CNTLN: variants seen among roughly 807,000 people sequenced by gnomAD.
The protein encoded by CNTLN is centlein, centrosomal protein.
CNTLN carries 212 observed loss-of-function variants against 180.0 expected under a neutral mutation model. The observed-to-expected ratio is 1.18, with a 90% CI of 1.05 to 1.32. The LOEUF is 1.32. CNTLN is among the 40% of genes most tolerant of loss of function. The pLI is 0.00. For synonymous variants in CNTLN, 722 were observed against 563.1 expected (o/e 1.28, Z -3.99); for missense variants, 2,095 against 1,610.9 (o/e 1.30, Z -5.14).
At chr9:17,225,699 A>G (rs1461048318) in intron 2 of CNTLN, among the ~76,000 whole-genome samples, 1 of 151,958 alleles carries the variant, frequency 6.6e-6, no homozygotes, top group Admixed American at 6.6e-5. Context: ...CCAGAGAACT[A>G]TGCTTTGATT....
At chr9:17,193,328 G>T (rs1821911234) in intron 2 of CNTLN, among the ~76,000 whole-genome samples, 1 of 152,122 alleles carries the variant, frequency 6.6e-6, no homozygotes, top group Non-Finnish European at 1.5e-5. Flanking sequence ...TCTGAGACAA[G>T]ACAAATCCCT....
At chr9:17,446,963 T>G (rs1343414217) in intron 18 of CNTLN, among the ~76,000 whole-genome samples, 2 of 152,224 alleles carry the variant, frequency 1.3e-5, no homozygotes, top group Non-Finnish European at 2.9e-5. Flanking sequence ...AACTCAGTCA[T>G]TATAATTGTA....
chr9:17,349,414 C>CA, intron 12 of CNTLN, among the ~76,000 whole-genome samples: 1 of 151,902 alleles, frequency 6.6e-6, no homozygotes, highest in Admixed American at 6.6e-5. Flanking sequence ...TTAGAATCTA[C>CA]AAAAAAAGAT....
rs760087414 is a variant in CNTLN at position 17,366,759 on chromosome 9, A to G, written c.1987+42A>G. 5.6e-5 allele frequency: 59 copies of G among 1,061,522 alleles called. No individual in the cohort carries two copies. The African/African-American group carries it at 8.7e-4, about 16-fold the overall frequency. 65.8% of individuals were successfully genotyped at this position (1,061,522 alleles called of 1,614,324 possible). On this transcript the variant is annotated intron_variant, in intron 13 of 25. Coordinates refer to ENST00000380647, the MANE Select transcript of CNTLN (RefSeq NM_017738.4). ...TAAATACTTAACAGAGGAATTTTAAAATTGTGTAATTCTTGATGTTTTAGT... is the reference window on the plus strand; with the variant it reads ...TAAATACTTAACAGAGGAATTTTAAGATTGTGTAATTCTTGATGTTTTAGT...
chr9:17,509,000 A>G, the CNTLN span, among the ~76,000 whole-genome samples: 1 of 152,240 alleles, frequency 6.6e-6, no homozygotes, highest in African/African-American at 2.4e-5. Flanking sequence ...CTCAGCGAGG[A>G]GGATTTTAAT....
At chr9:17,393,205 C>A (rs1826241656) in intron 14 of CNTLN, among the ~76,000 whole-genome samples, 1 of 151,934 alleles carries the variant, frequency 6.6e-6, no homozygotes, top group African/African-American at 2.4e-5. Context: ...TCATGAGGGC[C>A]CCACCCTCAT....
chr9:17,413,853 C>T (rs951516890), intron 16 of CNTLN, among the ~76,000 whole-genome samples: 1 of 152,016 alleles, frequency 6.6e-6, no homozygotes, highest in African/African-American at 2.4e-5. Flanking sequence ...GCTATCACAC[C>T]CTTAGACACA....
chr9:17,147,999 A>G (rs1256226319), intron 2 of CNTLN, among the ~76,000 whole-genome samples: 1 of 152,190 alleles, frequency 6.6e-6, no homozygotes, highest in Non-Finnish European at 1.5e-5. Context: ...TGCCAGTAGT[A>G]CCCATTTGGA....
chr9:17,329,047 A>G (rs1820478527), intron 8 of CNTLN, among the ~76,000 whole-genome samples: 1 of 152,064 alleles, frequency 6.6e-6, no homozygotes, highest in South Asian at 2.1e-4. Flanking sequence ...ATAGCATTAT[A>G]ATCCATTGAT....
At chr9:17,163,455 T>A (rs575806051) in intron 2 of CNTLN, among the ~76,000 whole-genome samples, 2 of 152,350 alleles carry the variant, frequency 1.3e-5, no homozygotes, top group East Asian at 3.9e-4. Flanking sequence ...AAATCATGCA[T>A]AGATAGATTC....
At chr9:17,458,382 C>G (rs1196224868) in intron 19 of CNTLN, among the ~76,000 whole-genome samples, 1 of 151,898 alleles carries the variant, frequency 6.6e-6, no homozygotes, top group Non-Finnish European at 1.5e-5. Flanking sequence ...CCCATTTATT[C>G]CTCACATATT....
At chr9:17,295,095 C>CGGGCTGGCG (rs1422687652) in intron 6 of CNTLN, among the ~76,000 whole-genome samples, 38 of 151,834 alleles carry the variant, frequency 2.5e-4, no homozygotes, top group South Asian at 6.2e-4. Flanking sequence ...CCCTCACTGC[C>CGGGCTGGCG]GGGCTGGCGG....
chr9:17,471,525 G>C (rs1832041950), intron 23 of CNTLN, among the ~76,000 whole-genome samples: 1 of 152,014 alleles, frequency 6.6e-6, no homozygotes. Flanking sequence ...CCCAAGAATT[G>C]CAAGAAGGCT....
intron 5 of CNTLN, among the ~76,000 whole-genome samples, chr9:17,269,114 C>G (rs778464249): frequency 6.6e-6 from 1 of 152,138 alleles, no homozygotes; most frequent in African/African-American, 2.4e-5. Flanking sequence ...CAGAAATCAC[C>G]TGTCTTCTGC....
chr9:17,254,991 G>T (rs1464622201), intron 5 of CNTLN, among the ~76,000 whole-genome samples: 1 of 151,640 alleles, frequency 6.6e-6, no homozygotes, highest in Non-Finnish European at 1.5e-5. Flanking sequence ...CAGTGTACAA[G>T]TCTTTCACCC....
chr9:17,263,443 T>C (rs1220961894), intron 5 of CNTLN, among the ~76,000 whole-genome samples: 1 of 151,254 alleles, frequency 6.6e-6, no homozygotes, highest in African/African-American at 2.5e-5. Context: ...AGTCTGTCTT[T>C]GTTGGGCATT....
intron 13 of CNTLN, among the ~76,000 whole-genome samples, chr9:17,385,134 A>G (rs1373139414): frequency 6.6e-6 from 1 of 152,214 alleles, no homozygotes; most frequent in African/African-American, 2.4e-5. Context: ...GGAACAGCCA[A>G]ATAGAAGAGT....
chr9:17,412,892 A>G (rs553519949), intron 16 of CNTLN, among the ~76,000 whole-genome samples: 1 of 152,222 alleles, frequency 6.6e-6, no homozygotes, highest in Non-Finnish European at 1.5e-5. Flanking sequence ...CTAAAACAAA[A>G]GCAATAGACT....
intron 2 of CNTLN, among the ~76,000 whole-genome samples, chr9:17,195,134 TTAAAGA>T (rs1218025216): frequency 1.3e-5 from 2 of 152,174 alleles, no homozygotes; most frequent in African/African-American, 2.4e-5. Context: ...CCTTGAAACT[TTAAAGA>T]TAAAGTAATA....
Sources: allele counts gnomAD v4.1 joint callset (sites outside exome capture counted in the v4.1 genomes callset), GRCh38; gene constraint gnomAD v4.1.1; transcripts MANE v1.5; gene names NCBI Gene and HGNC (gene_info 2026-07-23, HGNC 2026-07-21).